Variants in KLHL6 observed in about 807,000 individuals in gnomAD.
The protein encoded by KLHL6 is kelch like family member 6, also known as kelch-like protein 6.
In KLHL6, 41 loss-of-function variants were observed where a neutral mutation model predicts 58.6. The ratio of observed to expected loss-of-function variants is 0.70; its 90% CI spans 0.55 to 0.91. KLHL6 has a LOEUF of 0.91. Ranked by LOEUF, KLHL6 falls within the 40% of genes least tolerant of loss-of-function variation. KLHL6 has a pLI of 0.00. For synonymous variants in KLHL6, 338 were observed against 322.7 expected (o/e 1.05, Z -0.51); for missense variants, 714 against 805.6 (o/e 0.89, Z 1.38).
intron 1 of KLHL6, among the ~76,000 whole-genome samples, chr3:183,528,848 G>A (rs911752043): frequency 6.6e-6 from 1 of 152,170 alleles, no homozygotes; most frequent in African/African-American, 2.4e-5. Flanking sequence ...ACATGCACGT[G>A]TATGTTCATT....
In KLHL6 at chr3:183,489,719, G is replaced by A; in HGVS notation, c.*2208C>T. 6.6e-6 allele frequency: 1 copy of A among 152,226 alleles called. No homozygotes were observed. 9.4% of individuals were successfully genotyped at this position (152,226 alleles called of 1,614,324 possible). A position where few individuals can be genotyped will look rare whatever the true frequency, so the allele number is the denominator to read the frequency against. ...CCTGTGTTACTTTCCACAGCAGAGA[G>A]CTGAACTGTCACGCTTCTAAGGCAC... On this transcript the variant is annotated 3_prime_UTR_variant, in exon 7 of 7. Transcript: ENST00000341319.
At chr3:183,516,660 A>T in intron 2 of KLHL6, among the ~76,000 whole-genome samples, 1 of 152,094 alleles carries the variant, frequency 6.6e-6, no homozygotes, top group Non-Finnish European at 1.5e-5. Flanking sequence ...GTCCTAGGGG[A>T]CTTCACCCAT....
chr3:183,555,492 G>T lies in KLHL6; in HGVS notation c.162C>A (p.Leu54=). Residue 54 remains leucine (L), a synonymous_variant, in exon 1 of 7, where the codon CTC becomes CTA. Transcript: ENST00000341319. The part of the protein sequence containing the change: ...GEKVKFDDAG[L]SLILQNGLET... ...CCAGGCCATTCTGAAGAATTAAGGA[G>T]AGTCCCGCGTCGTCAAATTTGACCT... 1 of 1,614,144 alleles carries T rather than the reference G, an allele frequency of 6.2e-7. No homozygotes were observed. The highest frequency in any genetic ancestry group is 8.5e-7 in the Non-Finnish European group (1 of 1,180,032).
chr3:183,539,809 T>C (rs902961286), intron 1 of KLHL6, among the ~76,000 whole-genome samples: 66 of 151,664 alleles, frequency 4.4e-4, no homozygotes, highest in Middle Eastern at 3.2e-3. Flanking sequence ...AGAAGAAAAC[T>C]CTGGCCATGT....
intron 1 of KLHL6, 98 bp from the exon 2 acceptor site, chr3:183,528,108 G>A (rs1712038628): frequency 1.4e-6 from 2 of 1,396,978 alleles, no homozygotes; most frequent in Non-Finnish European, 2.0e-6. Flanking sequence ...ACAGAACAGG[G>A]GGTTTCCCAA....
chr3:183,495,343 GA>G (rs1717686388), intron 4 of KLHL6, among the ~76,000 whole-genome samples: 1 of 151,978 alleles, frequency 6.6e-6, no homozygotes, highest in African/African-American at 2.4e-5. Context: ...AAGTCTGACG[GA>G]AAAAAACTAT....
At chr3:183,497,512 T>C (rs1717747085) in intron 4 of KLHL6, among the ~76,000 whole-genome samples, 2 of 152,294 alleles carry the variant, frequency 1.3e-5, no homozygotes, top group Middle Eastern at 3.4e-3. Flanking sequence ...CTAAACTACA[T>C]TTCCCAGGTC....
intron 2 of KLHL6, 130 bp downstream of exon 2, chr3:183,527,715 T>TG: frequency 1.4e-6 from 1 of 732,460 alleles, no homozygotes; most frequent in Non-Finnish European, 2.3e-6. Flanking sequence ...TGTGTGTGTG[T>TG]TTGTGTGCGT....
Position 183,524,261 on chromosome 3 carries a change from G to T in KLHL6, c.459+3584C>A, listed in dbSNP as rs144556941. Among the ~76,000 whole-genome samples, 103 of 152,294 alleles carry T rather than the reference G, an allele frequency of 6.8e-4. 1 individual carries two copies. The East Asian group carries it at 0.019, about 28-fold the overall frequency. On this transcript the variant is annotated intron_variant, in intron 2 of 6. Coordinates refer to ENST00000341319, the MANE Select transcript of KLHL6 (RefSeq NM_130446.4). ...AAGCCTGAAGGTCCAGTTAAGGAAA[G>T]GGAGACCTTTGGCTTCTCTAGAGCC...
intron 4 of KLHL6, among the ~76,000 whole-genome samples, chr3:183,496,779 A>G (rs1717723212): frequency 1.3e-5 from 2 of 152,274 alleles, no homozygotes. Flanking sequence ...TTAGCCGTGT[A>G]TAACAAGCAT....
intron 3 of KLHL6, among the ~76,000 whole-genome samples, chr3:183,505,442 C>T (rs1208119061): frequency 2.0e-5 from 3 of 152,124 alleles, no homozygotes; most frequent in African/African-American, 4.8e-5. Context: ...GAAAGAAAGT[C>T]TCAAATCAGT....
At chr3:183,503,772 T>A (rs996178043) in intron 3 of KLHL6, among the ~76,000 whole-genome samples, 18 of 151,926 alleles carry the variant, frequency 1.2e-4, no homozygotes, top group Non-Finnish European at 4.4e-5. Context: ...AGAACAAAAG[T>A]CTGTCTGAAG....
intron 1 of KLHL6, among the ~76,000 whole-genome samples, chr3:183,554,260 A>G (rs913780448): frequency 6.6e-6 from 1 of 152,172 alleles, no homozygotes; most frequent in Admixed American, 6.5e-5. Flanking sequence ...CATGGGAAAC[A>G]CTCAATAAGT....
At chr3:183,522,633 G>A (rs1222769269) in intron 2 of KLHL6, 1 of 152,154 alleles carries the variant, frequency 6.6e-6, no homozygotes, top group East Asian at 1.9e-4. Context: ...ATCATAGTAG[G>A]TGCCTGGCAC....
chr3:183,552,497 T>G (rs1712961633), intron 1 of KLHL6, among the ~76,000 whole-genome samples: 1 of 151,746 alleles, frequency 6.6e-6, no homozygotes, highest in Non-Finnish European at 1.5e-5. Context: ...GGCGGGTGGA[T>G]CTCGAGGTCA....
chr3:183,529,807 G>GAAA (rs1400817186), intron 1 of KLHL6, among the ~76,000 whole-genome samples: 1 of 151,894 alleles, frequency 6.6e-6, no homozygotes, highest in Non-Finnish European at 1.5e-5. Context: ...AAGAAAGAAA[G>GAAA]GAAACTCTAA....
chr3:183,512,471 C>T (rs1718215803), intron 2 of KLHL6, among the ~76,000 whole-genome samples: 1 of 151,956 alleles, frequency 6.6e-6, no homozygotes, highest in Admixed American at 6.6e-5. Context: ...AAGCACTTCA[C>T]AAATCATATT....
intron 2 of KLHL6, among the ~76,000 whole-genome samples, chr3:183,512,736 C>A (rs1718223676): frequency 6.6e-6 from 1 of 152,040 alleles, no homozygotes; most frequent in Admixed American, 6.6e-5. Context: ...GGTGATCCAC[C>A]CACCTTGGCC....
At chr3:183,515,347 A>G (rs953568920) in intron 2 of KLHL6, among the ~76,000 whole-genome samples, 20 of 152,294 alleles carry the variant, frequency 1.3e-4, no homozygotes, top group Non-Finnish European at 2.5e-4. Context: ...CAGGATTTCA[A>G]GACCAGCCTG....
Sources: allele counts gnomAD v4.1 joint callset (sites outside exome capture counted in the v4.1 genomes callset), GRCh38; gene constraint gnomAD v4.1.1; transcripts MANE v1.5; gene names NCBI Gene and HGNC (gene_info 2026-07-23, HGNC 2026-07-21).